The following TENM3 variants were observed in gnomAD, a reference collection of about 807,000 sequenced individuals.
TENM3 encodes the protein teneurin-3.
A neutral mutation model predicts 255.1 loss-of-function variants in TENM3; 63 were observed. The observed-to-expected ratio is 0.25, with a 90% CI of 0.20 to 0.30. TENM3 has a LOEUF of 0.30. TENM3 is among the 10% of genes least tolerant of loss of function. The pLI, the probability that TENM3 is intolerant of heterozygous loss-of-function variation, is 1.00. For synonymous variants in TENM3, 1,306 were observed against 1,322.3 expected (o/e 0.99, Z 0.27); for missense variants, 2,929 against 3,461.1 (o/e 0.85, Z 3.86).
the TENM3 span, among the ~76,000 whole-genome samples, chr4:181,796,770 G>A: frequency 9.8e-5 from 15 of 152,330 alleles, no homozygotes; most frequent in East Asian, 1.2e-3. Context: ...GAACACTGAC[G>A]TTGCATAAGG....
At chr4:181,908,902 G>C in the TENM3 span, among the ~76,000 whole-genome samples, 1 of 152,218 alleles carries the variant, frequency 6.6e-6, no homozygotes, top group Non-Finnish European at 1.5e-5. Flanking sequence ...GTGGGAAAAA[G>C]AAGTGCAAGC....
chr4:181,624,275 C>G, the TENM3 span, among the ~76,000 whole-genome samples: 1 of 152,194 alleles, frequency 6.6e-6, no homozygotes, highest in Admixed American at 6.5e-5. Context: ...CCCAGCATCG[C>G]CACTCGCTGG....
the TENM3 span, among the ~76,000 whole-genome samples, chr4:181,590,811 G>C: frequency 6.6e-6 from 1 of 152,092 alleles, no homozygotes; most frequent in African/African-American, 2.4e-5. Context: ...TTTATGTGGG[G>C]TGAAAACAAC....
the TENM3 span, among the ~76,000 whole-genome samples, chr4:181,775,461 T>C: frequency 2.0e-5 from 3 of 152,134 alleles, no homozygotes; most frequent in African/African-American, 7.2e-5. Flanking sequence ...CAAAATCTCG[T>C]CTGGTTGATA....
chr4:181,897,620 G>T, the TENM3 span, among the ~76,000 whole-genome samples: 1 of 152,136 alleles, frequency 6.6e-6, no homozygotes, highest in Non-Finnish European at 1.5e-5. Context: ...GATACAAAAA[G>T]CTTATCATCT....
the TENM3 span, among the ~76,000 whole-genome samples, chr4:182,086,235 C>A: frequency 1.3e-5 from 2 of 152,162 alleles, no homozygotes; most frequent in Non-Finnish European, 2.9e-5. Context: ...AGAAACCACT[C>A]GCTAATCACA....
At chr4:181,653,392 T>C in the TENM3 span, among the ~76,000 whole-genome samples, 1 of 149,990 alleles carries the variant, frequency 6.7e-6, no homozygotes, top group African/African-American at 2.5e-5. Context: ...TCCATTGTTT[T>C]GTTTTGTTTG....
Position 182,450,872 on chromosome 4 carries a change from TAA to T in TENM3, c.511+103946_511+103947del, listed in dbSNP as rs1467093433. Among the ~76,000 whole-genome samples, 5 of 152,348 alleles carry T rather than the reference TAA, an allele frequency of 3.3e-5. No individual in the cohort carries two copies. In the East Asian group the frequency reaches 9.6e-4, roughly 29 times the overall value. ...AGTTGTTTAATTATGAGGAAAAAGT[TAA>T]AAGAGTTGTACTTTTAACAATGACA... On this transcript the variant is annotated intron_variant, in intron 3 of 27. Transcript: ENST00000511685.
chr4:181,541,006 T>C, the TENM3 span, among the ~76,000 whole-genome samples: 1 of 152,198 alleles, frequency 6.6e-6, no homozygotes, highest in African/African-American at 2.4e-5. Flanking sequence ...CTGAAAGTGT[T>C]ATTTTAAATG....
chr4:181,664,476 T>A, the TENM3 span, among the ~76,000 whole-genome samples: 35 of 140,586 alleles, frequency 2.5e-4, no homozygotes, highest in African/African-American at 3.6e-4. Context: ...GTCTAAAAAA[T>A]AAAAAAAAAC....
At chr4:181,461,571 A>G in the TENM3 span, among the ~76,000 whole-genome samples, 44 of 152,122 alleles carry the variant, frequency 2.9e-4, no homozygotes, top group Admixed American at 1.1e-3. Flanking sequence ...TTCTTTCTGC[A>G]CTTCATTTTG....
intron 3 of TENM3, among the ~76,000 whole-genome samples, chr4:182,388,842 A>G (rs1768198093): frequency 6.6e-6 from 1 of 152,172 alleles, no homozygotes; most frequent in South Asian, 2.1e-4. Flanking sequence ...AATGTTCGCA[A>G]TCTATGACCA....
chr4:181,564,495 T>C, the TENM3 span, among the ~76,000 whole-genome samples: 1 of 152,130 alleles, frequency 6.6e-6, no homozygotes, highest in Non-Finnish European at 1.5e-5. Flanking sequence ...TTAAACGCCA[T>C]GGAATAAGCC....
intron 1 of TENM3, among the ~76,000 whole-genome samples, chr4:182,150,531 G>A (rs1257784188): frequency 1.3e-5 from 2 of 150,436 alleles, no homozygotes; most frequent in Non-Finnish European, 3.0e-5. Context: ...TATACTGATG[G>A]AAAAAAGAAA....
chr4:181,688,401 C>T, the TENM3 span, among the ~76,000 whole-genome samples: 1 of 152,102 alleles, frequency 6.6e-6, no homozygotes, highest in Non-Finnish European at 1.5e-5. Flanking sequence ...AATGAAAAAT[C>T]AGTACTTTTT....
At position 182,653,975 on chromosome 4, in the gene TENM3, A is replaced by G. The variant is rs1753547572; in HGVS notation, c.1111+82A>G. 2.2e-6 allele frequency: 3 copies of G among 1,358,384 alleles called. No homozygotes were observed. The East Asian group carries it at 7.8e-5, about 35-fold the overall frequency. 84.1% of individuals were successfully genotyped at this position (1,358,384 alleles called of 1,614,324 possible). Reference sequence around the variant, plus strand: ...TTTATTTTTACCCATGCTTACATCTAGTTTAGATGGAACAGGGAAAAGTGT... The same window carrying G: ...TTTATTTTTACCCATGCTTACATCTGGTTTAGATGGAACAGGGAAAAGTGT... On this transcript the variant is annotated intron_variant, in intron 6 of 27. Transcript: ENST00000511685.
intron 3 of TENM3, among the ~76,000 whole-genome samples, chr4:182,382,585 T>G (rs1040397004): frequency 1.3e-5 from 2 of 152,162 alleles, no homozygotes; most frequent in African/African-American, 4.8e-5. Flanking sequence ...TTTAAACTTA[T>G]CATGGTAGAG....
At chr4:182,614,472 T>A (rs1289409260) in intron 4 of TENM3, among the ~76,000 whole-genome samples, 1 of 152,154 alleles carries the variant, frequency 6.6e-6, no homozygotes, top group African/African-American at 2.4e-5. Context: ...GAATTTTAGT[T>A]TATTACTGAC....
At chr4:181,676,576 T>G in the TENM3 span, among the ~76,000 whole-genome samples, 2 of 152,086 alleles carry the variant, frequency 1.3e-5, no homozygotes, top group Non-Finnish European at 2.9e-5. Flanking sequence ...CTTAATCTTG[T>G]TTTCCTCAGC....
Sources: gnomAD v4.1 joint callset for allele counts (sites outside exome capture counted in the v4.1 genomes callset) on GRCh38, gnomAD v4.1.1 for gene constraint, MANE v1.5 for transcripts, NCBI Gene and HGNC (gene_info 2026-07-23, HGNC 2026-07-21) for gene names.